MCPH1: variants seen among roughly 807,000 people sequenced by gnomAD.
The protein encoded by MCPH1 is microcephalin.
MCPH1 carries 104 observed loss-of-function variants against 84.5 expected under a neutral mutation model. The ratio of observed to expected loss-of-function variants is 1.23; its 90% CI spans 1.05 to 1.45. The LOEUF (loss-of-function observed/expected upper bound fraction) is 1.45. Ranked by LOEUF, MCPH1 falls within the 40% of genes most tolerant of loss-of-function variation. The probability of loss-of-function intolerance (pLI) is 0.00; values close to 1 mark genes in which losing one functional copy is unlikely to be tolerated. For missense variants in MCPH1, 1,498 were observed against 1,005.7 expected (o/e 1.49, Z -6.62); for synonymous variants, 514 against 366.8 (o/e 1.40, Z -4.58).
At chr8:6,473,741 C>T (rs564317429) in intron 9 of MCPH1, 4 of 577,032 alleles carry the variant, frequency 6.9e-6, no homozygotes, top group African/African-American at 3.8e-5. Flanking sequence ...GCTGGTCCTG[C>T]AACATGAGTT....
At chr8:6,489,697 G>T (rs1403645330) in intron 11 of MCPH1, among the ~76,000 whole-genome samples, 3 of 152,188 alleles carry the variant, frequency 2.0e-5, no homozygotes, top group Non-Finnish European at 4.4e-5. Flanking sequence ...GGCAGCGAAT[G>T]GGGCACTGTG....
chr8:6,592,614 C>CTTTTTCTTT (rs1828560426), intron 12 of MCPH1, among the ~76,000 whole-genome samples: 1 of 65,544 alleles, frequency 1.5e-5, no homozygotes, highest in Non-Finnish European at 3.0e-5. Context: ...GTTTTTCTTT[C>CTTTTTCTTT]TTTTTTTTGT....
chr8:6,550,753 C>A (rs2129574870), intron 12 of MCPH1, among the ~76,000 whole-genome samples: 1 of 152,296 alleles, frequency 6.6e-6, no homozygotes, highest in South Asian at 2.1e-4. Flanking sequence ...TGTGTACGTT[C>A]TGATACCTCT....
At chr8:6,486,746 G>A (rs1586058971) in intron 11 of MCPH1, among the ~76,000 whole-genome samples, 1 of 152,106 alleles carries the variant, frequency 6.6e-6, no homozygotes, top group Admixed American at 6.6e-5. Flanking sequence ...AGGAGTTGCC[G>A]AGCTTCCTAT....
In MCPH1 at chr8:6,532,438, T is replaced by A; in HGVS notation, c.2214+32509T>A. 6.2e-7 allele frequency: 1 copy of A among 1,614,024 alleles called. No homozygotes were observed. The highest frequency in any genetic ancestry group is 1.3e-5 in the African/African-American group (1 of 75,044). ...CGTCTGGTTCTGTACTGCATTCTGC[T>A]GTATCTCTACCATTTCTTTCTTCAT... On this transcript the variant is annotated intron_variant, in intron 12 of 13. Transcript: ENST00000344683.
chr8:6,509,161 G>C, intron 12 of MCPH1: 1 of 1,455,972 alleles, frequency 6.9e-7, no homozygotes, highest in Non-Finnish European at 9.3e-7. Context: ...ACAGAAGCGT[G>C]TTCTGTACTC....
intron 9 of MCPH1, among the ~76,000 whole-genome samples, chr8:6,462,833 C>CA (rs1806436299): frequency 6.6e-6 from 1 of 152,276 alleles, no homozygotes; most frequent in African/African-American, 2.4e-5. Context: ...TAGAAGTGCT[C>CA]AAAAAATGTT....
rs1808647535 is a variant in MCPH1, at chr8:6,477,601, G to C, written c.1943G>C (p.Arg648Thr). The C allele has an allele frequency of 1.2e-6, 2 of 1,612,830 alleles. No individual in the cohort carries two copies. Among genetic ancestry groups the C allele is most frequent in the African/African-American group, 1.3e-5 (1 of 74,890 alleles). ...KKSGRGKKPT[R>T]TLVMTSMPSE... is the part of the protein sequence containing the mutation. Reference sequence around the variant, plus strand: ...CTTGTTTGAAATCTCTAGCCAACAAGAACATTAGTCATGACAAGCATGCCA... The same window carrying C: ...CTTGTTTGAAATCTCTAGCCAACAACAACATTAGTCATGACAAGCATGCCA... Residue 648 changes from arginine to threonine, a missense_variant, in exon 10 of 14, where the codon AGA becomes ACA. By Grantham distance (71) the Arg-to-Thr change is moderately conservative (BLOSUM62 -1). Coordinates refer to ENST00000344683, the MANE Select transcript of MCPH1 (RefSeq NM_024596.5).
intron 9 of MCPH1, among the ~76,000 whole-genome samples, chr8:6,458,307 C>G (rs529464896): frequency 6.6e-6 from 1 of 152,012 alleles, no homozygotes; most frequent in East Asian, 1.9e-4. Flanking sequence ...CCCGTCTCTA[C>G]TAGAAATACA....
intron 12 of MCPH1, chr8:6,527,588 G>A (rs372338531): frequency 6.2e-7 from 1 of 1,613,916 alleles, no homozygotes; most frequent in South Asian, 1.1e-5. Context: ...TATTTCACTG[G>A]TCTGGTCCAA....
Position 6,641,854 on chromosome 8 carries a change from T to A in MCPH1, c.2453-1140T>A, listed in dbSNP as rs536312283. Among the ~76,000 whole-genome samples the A allele has an allele frequency of 3.3e-5, 5 of 152,356 alleles. No individual in the cohort carries two copies. In the South Asian group the frequency reaches 1.0e-3, roughly 32 times the overall value. On this transcript the variant is annotated intron_variant, in intron 13 of 13. Transcript: ENST00000344683. ...TTGTTATAATTATATACAATGTTTT[T>A]AACTATATCATTTCTTATATATATA...
intron 12 of MCPH1, among the ~76,000 whole-genome samples, chr8:6,543,829 C>G (rs1045773330): frequency 6.6e-6 from 1 of 152,136 alleles, no homozygotes; most frequent in Non-Finnish European, 1.5e-5. Context: ...ATAATTTAAA[C>G]CCCCTGTGTG....
chr8:6,507,141 A>G (rs1306219549), intron 12 of MCPH1, among the ~76,000 whole-genome samples: 2 of 152,120 alleles, frequency 1.3e-5, no homozygotes, highest in Non-Finnish European at 1.5e-5. Context: ...CAGGTGATCC[A>G]TCCACCTTGG....
At chr8:6,635,493 G>C (rs1797480966) in intron 13 of MCPH1, 1 of 152,172 alleles carries the variant, frequency 6.6e-6, no homozygotes, top group Non-Finnish European at 1.5e-5. Flanking sequence ...TGTGTGGGAG[G>C]CTGAGGTAAG....
intron 12 of MCPH1, chr8:6,502,359 A>C (rs1308612077): frequency 6.6e-6 from 1 of 152,226 alleles, no homozygotes; most frequent in Non-Finnish European, 1.5e-5. Flanking sequence ...GGCAGAAAAA[A>C]ATAGTACGGT....
intron 13 of MCPH1, chr8:6,627,143 T>A: frequency 1.0e-6 from 1 of 984,322 alleles, no homozygotes; most frequent in Non-Finnish European, 1.2e-6. Context: ...CCCTAATGAC[T>A]GACTGACCAG....
intron 12 of MCPH1, among the ~76,000 whole-genome samples, chr8:6,604,989 C>A (rs1317497878): frequency 6.6e-6 from 1 of 152,150 alleles, no homozygotes; most frequent in African/African-American, 2.4e-5. Flanking sequence ...TTGTTCGGTG[C>A]CATCCCTTCA....
At chr8:6,534,144 C>G (rs914847697) in intron 12 of MCPH1, among the ~76,000 whole-genome samples, 5 of 152,102 alleles carry the variant, frequency 3.3e-5, no homozygotes, top group African/African-American at 1.2e-4. Context: ...ATGAGAGGCA[C>G]AGTCAGCCCT....
At chr8:6,452,552 T>A (rs1310096280) in intron 8 of MCPH1, among the ~76,000 whole-genome samples, 5 of 152,270 alleles carry the variant, frequency 3.3e-5, no homozygotes, top group Non-Finnish European at 4.4e-5. Flanking sequence ...GACCCCCACA[T>A]TTATTTACTG....
Sources: gnomAD v4.1 joint callset for allele counts (sites outside exome capture counted in the v4.1 genomes callset) on GRCh38, gnomAD v4.1.1 for gene constraint, MANE v1.5 for transcripts, NCBI Gene and HGNC (gene_info 2026-07-23, HGNC 2026-07-21) for gene names.